DRC3: variants seen among roughly 807,000 people sequenced by gnomAD.
DRC3 encodes dynein regulatory complex subunit 3.
Under a neutral mutation model 57.6 loss-of-function variants are expected in DRC3, and 45 were observed. The ratio of observed to expected loss-of-function variants is 0.78; its 90% CI spans 0.62 to 1.00. The LOEUF (loss-of-function observed/expected upper bound fraction) is 1.00. DRC3 is among the 50% of genes least tolerant of loss of function. The pLI is 0.00. For synonymous variants in DRC3, 257 were observed against 272.3 expected (o/e 0.94, Z 0.55); for missense variants, 655 against 675.2 (o/e 0.97, Z 0.33).
At chr17:17,983,532 G>A (rs2042812658) in intron 3 of DRC3, among the ~76,000 whole-genome samples, 2 of 152,136 alleles carry the variant, frequency 1.3e-5, no homozygotes, top group Non-Finnish European at 2.9e-5. Flanking sequence ...AACAGCACAA[G>A]CGAGTCTCCT....
intron 13 of DRC3, 82 bp downstream of exon 13, chr17:18,016,277 AT>A (rs1469107634): frequency 1.1e-5 from 16 of 1,413,134 alleles, no homozygotes; most frequent in Non-Finnish European, 1.6e-5. Flanking sequence ...AGTGGATAGA[AT>A]TTTCATTAAG....
Position 17,997,455 on chromosome 17 carries a change from C to G in DRC3, c.825-5C>G, listed in dbSNP as rs2043506800. 6.2e-7 allele frequency: 1 copy of G among 1,612,376 alleles called. No homozygotes were observed. The highest frequency in any genetic ancestry group is 1.3e-5 in the African/African-American group (1 of 74,864). On this transcript the variant is annotated splice_region_variant and splice_polypyrimidine_tract_variant and intron_variant, in intron 8 of 13. Transcript: ENST00000399187. Reference sequence around the variant, plus strand: ...CAGCTGTGGGCTTCCTTAACAGCCACTCACCTACAAGGACAAGTTTGTCAT... The same window carrying G: ...CAGCTGTGGGCTTCCTTAACAGCCAGTCACCTACAAGGACAAGTTTGTCAT...
chr17:17,983,776 G>T (rs907253642), intron 3 of DRC3, 52 bp from the exon 4 acceptor site: 2 of 1,345,286 alleles, frequency 1.5e-6, no homozygotes, highest in Non-Finnish European at 2.1e-6. Flanking sequence ...CTGTACACTA[G>T]CACAAAACTC....
chr17:17,976,610 G>A (rs570915823), intron 2 of DRC3, among the ~76,000 whole-genome samples: 11 of 152,284 alleles, frequency 7.2e-5, no homozygotes, highest in East Asian at 1.9e-4. Context: ...GAATCCGGGC[G>A]TTGCAGTGAG....
rs146022208 is a variant in DRC3 at position 18,009,621 on chromosome 17, T to G, written c.1326+2474T>G. ...CCAAGGACACACAGCTTATAACAGA[T>G]AGGGTTGTGATTTGAACCAGGCAGT... is the stretch of plus-strand genomic sequence containing the variant. On this transcript the variant is annotated intron_variant, in intron 12 of 13. Coordinates refer to ENST00000399187, the MANE Select transcript of DRC3 (RefSeq NM_031294.4). Among the ~76,000 whole-genome samples, 232 of 152,258 alleles carry G rather than the reference T, an allele frequency of 1.5e-3. 1 individual carries two copies. The highest frequency in any genetic ancestry group is 5.2e-3 in the African/African-American group (216 of 41,546).
Position 17,993,073 on chromosome 17 carries a change from A to G in DRC3, c.591+162A>G. 4.2e-6 allele frequency: 3 copies of G among 713,874 alleles called. No homozygotes were observed. In the South Asian group the frequency reaches 5.7e-5, roughly 13 times the overall value. The allele number at this position is 713,874 out of a possible 1,614,324, so 44.2% of individuals were successfully genotyped here. A position where few individuals can be genotyped will look rare whatever the true frequency, so the allele number is the denominator to read the frequency against. ...CCCTTTACCTGACTCTGTCAGAGTG[A>G]TTCCAGCAGCACCCTTGTAAGTACT... On this transcript the variant is annotated intron_variant, in intron 6 of 13. Transcript: ENST00000399187.
intron 4 of DRC3, among the ~76,000 whole-genome samples, chr17:17,984,561 G>A (rs1369647395): frequency 6.6e-6 from 1 of 152,144 alleles, no homozygotes; most frequent in African/African-American, 2.4e-5. Context: ...TCCCTAGCAG[G>A]GAGAAGGTGA....
intron 2 of DRC3, among the ~76,000 whole-genome samples, chr17:17,975,425 T>A (rs2042335528): frequency 6.6e-6 from 1 of 152,024 alleles, no homozygotes; most frequent in South Asian, 2.1e-4. Context: ...TTGGCCAGGA[T>A]GGTCTTGATC....
At chr17:17,983,449 AG>A (rs1326667639) in intron 3 of DRC3, among the ~76,000 whole-genome samples, 1 of 152,206 alleles carries the variant, frequency 6.6e-6, no homozygotes, top group African/African-American at 2.4e-5. Flanking sequence ...ACACTGTGGA[AG>A]GAAGGCCTCT....
chr17:17,983,545 C>T (rs538769459), intron 3 of DRC3, among the ~76,000 whole-genome samples: 6 of 152,254 alleles, frequency 3.9e-5, no homozygotes, highest in Non-Finnish European at 7.4e-5. Flanking sequence ...AGTCTCCTGC[C>T]CAGCCAGGTC....
At chr17:17,979,022 G>A (rs570504004) in intron 3 of DRC3, among the ~76,000 whole-genome samples, 1 of 152,328 alleles carries the variant, frequency 6.6e-6, no homozygotes, top group Non-Finnish European at 1.5e-5. Context: ...GAGGAAAAAA[G>A]GAAGGAGAGG....
In DRC3 at chr17:17,979,031, GGAGAA is replaced by G. The variant is rs143603301; in HGVS notation, c.160+1274_160+1278del. Reference sequence around the variant, plus strand: ...GGTGTGGAGGAAAAAAGGAAGGAGAGGAGAAAAGGGAAGTTGGGGGTGGAGTACAG... The same window carrying G: ...GGTGTGGAGGAAAAAAGGAAGGAGAGAAGGGAAGTTGGGGGTGGAGTACAG... On this transcript the variant is annotated intron_variant, in intron 3 of 13. Transcript: ENST00000399187. Among the ~76,000 whole-genome samples the G allele has an allele frequency of 3.2e-3, 488 of 152,332 alleles. 5 individuals carry two copies. Among genetic ancestry groups the G allele is most frequent in the Non-Finnish European group, 5.3e-3 (358 of 68,026 alleles).
At chr17:17,992,995 G>A (rs2043299527) in intron 6 of DRC3, 84 bp downstream of exon 6, 4 of 1,473,984 alleles carry the variant, frequency 2.7e-6, no homozygotes, top group African/African-American at 2.8e-5. Flanking sequence ...GCATTGAAGA[G>A]TAGCTTCCCC....
chr17:18,000,105 T>TGA (rs1491017096), intron 9 of DRC3, among the ~76,000 whole-genome samples: 16 of 141,730 alleles, frequency 1.1e-4, no homozygotes, highest in African/African-American at 3.1e-4. Flanking sequence ...TGTGTGTGTG[T>TGA]GAGCATAGCA....
At chr17:17,980,594 A>AT (rs35688948) in intron 3 of DRC3, among the ~76,000 whole-genome samples, 43,238 of 108,390 alleles carry the variant, frequency 0.4, 9,765 homozygotes, top group South Asian at 0.71. Flanking sequence ...TGCGCCCAGC[A>AT]TTTTTTTTTT....
chr17:17,977,478 G>C, intron 2 of DRC3, 104 bp from the exon 3 acceptor site: 1 of 1,352,156 alleles, frequency 7.4e-7, no homozygotes, highest in Non-Finnish European at 1.0e-6. Flanking sequence ...GCATTCCTCA[G>C]AGTGCCAGTG....
Position 17,997,571 on chromosome 17 carries a change from C to T in DRC3, c.936C>T (p.Ala312=). The T allele has an allele frequency of 1.2e-6, 2 of 1,609,884 alleles. No individual in the cohort carries two copies. Residue 312 remains alanine (A), a synonymous_variant, in exon 9 of 14, where the codon GCC becomes GCT. Coordinates refer to ENST00000399187, the MANE Select transcript of DRC3 (RefSeq NM_031294.4). The stretch of plus-strand genomic sequence containing the variant: ...CCTTCAGTGAATGTGTCCGTGAGGC[C>T]ATCCAGGAAAACCAGGAGCAGGGCA... The part of the protein sequence containing the change: ...LDTFSECVRE[A]IQENQEQGKR...
At chr17:18,014,804 C>T (rs947769188) in intron 12 of DRC3, among the ~76,000 whole-genome samples, 4 of 152,160 alleles carry the variant, frequency 2.6e-5, no homozygotes, top group Non-Finnish European at 4.4e-5. Flanking sequence ...CAAGGCTCAC[C>T]GAAAACAGGC....
At chr17:17,976,261 G>A (rs780247584) in intron 2 of DRC3, among the ~76,000 whole-genome samples, 1 of 152,200 alleles carries the variant, frequency 6.6e-6, no homozygotes, top group Non-Finnish European at 1.5e-5. Flanking sequence ...GGGTTGATAA[G>A]GATGAGAATG....
Sources: gnomAD v4.1 joint callset for allele counts (sites outside exome capture counted in the v4.1 genomes callset) on GRCh38, gnomAD v4.1.1 for gene constraint, MANE v1.5 for transcripts, NCBI Gene and HGNC (gene_info 2026-07-23, HGNC 2026-07-21) for gene names.